The following HIKESHI variants were observed in gnomAD, a reference collection of about 807,000 sequenced individuals.
HIKESHI encodes the protein protein Hikeshi.
A neutral mutation model predicts 25.7 loss-of-function variants in HIKESHI; 13 were observed. The observed-to-expected ratio is 0.51, with a 90% CI of 0.33 to 0.80. HIKESHI has a LOEUF of 0.80. Ranked by LOEUF, HIKESHI falls within the 30% of genes least tolerant of loss-of-function variation. HIKESHI has a pLI of 0.02. For missense variants in HIKESHI, 174 were observed against 229.5 expected, an observed-to-expected ratio of 0.76 and a Z score of 1.56; for synonymous variants, 76 against 78.7, an observed-to-expected ratio of 0.97 and a Z score of 0.18.
intron 2 of HIKESHI, among the ~76,000 whole-genome samples, chr11:86,328,403 C>T (rs189769329): frequency 6.6e-6 from 1 of 151,158 alleles, no homozygotes; most frequent in East Asian, 1.9e-4. Flanking sequence ...GGACTACAGG[C>T]ACTCACCACC....
chr11:86,318,801 A>G (rs1218771413), intron 2 of HIKESHI, among the ~76,000 whole-genome samples: 1 of 152,186 alleles, frequency 6.6e-6, no homozygotes, highest in Non-Finnish European at 1.5e-5. Context: ...CTCCCTTTTC[A>G]TATTATTTGA....
intron 3 of HIKESHI, chr11:86,344,335 T>C: frequency 3.2e-6 from 1 of 313,500 alleles, no homozygotes. Context: ...TATTCATTTA[T>C]TTAATTTTAT....
chr11:86,306,469 A>C lies in HIKESHI; in HGVS notation c.255A>C (p.Ser85=). 2 of 1,600,268 alleles carry C rather than the reference A, an allele frequency of 1.2e-6. No homozygotes were observed. The highest frequency in any genetic ancestry group is 1.7e-6 in the Non-Finnish European group (2 of 1,167,800). The change falls in exon 2 of 5, where the codon TCA becomes TCC. Residue 85 remains serine, a synonymous_variant. Coordinates refer to ENST00000278483, the MANE Select transcript of HIKESHI (RefSeq NM_016401.4). ...AGCCAAGTGCCATCTTCAAAATTTC[A>C]GGTCTTAAATCTGGTAAGAATAATA... ...NGKPSAIFKI[S]GLKSGEGSQH...
In HIKESHI at chr11:86,315,423, C is replaced by A. The variant is rs914967771; in HGVS notation, c.268+8941C>A. Among the ~76,000 whole-genome samples the A allele has an allele frequency of 6.6e-5, 10 of 152,080 alleles. 1 individual carries two copies. Among genetic ancestry groups the A allele is most frequent in the Non-Finnish European group, 2.9e-5 (2 of 68,028 alleles). On this transcript the variant is annotated intron_variant, in intron 2 of 4. Transcript: ENST00000278483. Reference sequence around the variant, plus strand: ...ACAACCTCCGCCTCCTGGGTTCAAGCAGTGCTCCCGCCTCAGCCTCCCAAG... The same window carrying A: ...ACAACCTCCGCCTCCTGGGTTCAAGAAGTGCTCCCGCCTCAGCCTCCCAAG...
At chr11:86,303,499 A>G (rs1213198502) in intron 1 of HIKESHI, 1 of 526,888 alleles carries the variant, frequency 1.9e-6, no homozygotes, top group Non-Finnish European at 2.4e-6. Context: ...GGGAAAAAGG[A>G]CAAACCTGGA....
intron 2 of HIKESHI, 52 bp from the exon 3 acceptor site, chr11:86,337,327 G>A (rs1217726214): frequency 1.3e-6 from 2 of 1,526,372 alleles, no homozygotes; most frequent in South Asian, 1.3e-5. Context: ...AAAGGAAATT[G>A]TGTGACTACA....
chr11:86,326,141 T>G (rs944243440), intron 2 of HIKESHI, among the ~76,000 whole-genome samples: 1 of 152,040 alleles, frequency 6.6e-6, no homozygotes, highest in Non-Finnish European at 1.5e-5. Flanking sequence ...CTACTAAAAA[T>G]ACAAAAATTA....
intron 4 of HIKESHI, chr11:86,345,154 G>A (rs1057391538): frequency 6.4e-5 from 67 of 1,041,012 alleles, no homozygotes; most frequent in Non-Finnish European, 7.5e-5. Context: ...AGTTTGTTGA[G>A]AAGTGGTACC....
intron 2 of HIKESHI, among the ~76,000 whole-genome samples, chr11:86,307,695 A>G (rs1593804721): frequency 1.0e-5 from 1 of 97,744 alleles, no homozygotes; most frequent in South Asian, 3.7e-4. Context: ...TATTATGTGT[A>G]GTATACATTA....
chr11:86,329,906 C>T (rs1471838026), intron 2 of HIKESHI, among the ~76,000 whole-genome samples: 2 of 152,012 alleles, frequency 1.3e-5, no homozygotes, highest in Non-Finnish European at 2.9e-5. Flanking sequence ...ATGTAAATCT[C>T]TGTCTCTTAA....
intron 2 of HIKESHI, among the ~76,000 whole-genome samples, chr11:86,317,112 C>T (rs1219561637): frequency 6.6e-6 from 1 of 151,884 alleles, no homozygotes; most frequent in Non-Finnish European, 1.5e-5. Context: ...AACATTCTAA[C>T]ACAAGGAACC....
chr11:86,306,727 C>T lies in HIKESHI; in HGVS notation c.268+245C>T, dbSNP rs143412647. 7.9e-5 allele frequency among the ~76,000 whole-genome samples: 12 copies of T among 151,862 alleles called. No individual in the cohort carries two copies. In the East Asian group the frequency reaches 1.5e-3, roughly 20 times the overall value. On this transcript the variant is annotated intron_variant, in intron 2 of 4. Transcript: ENST00000278483. Reference sequence around the variant, plus strand: ...TAAAAATATTTTTTTTGGCCGGGCGCGGCGGCTCATTCCTGTATCCCAGCA... The same window carrying T: ...TAAAAATATTTTTTTTGGCCGGGCGTGGCGGCTCATTCCTGTATCCCAGCA...
At chr11:86,342,052 T>G (rs565424419) in intron 3 of HIKESHI, among the ~76,000 whole-genome samples, 1 of 120,518 alleles carries the variant, frequency 8.3e-6, no homozygotes, top group African/African-American at 3.1e-5. Flanking sequence ...CCTTTAAAAT[T>G]TTGCCAAACT....
chr11:86,336,058 A>G (rs1270876522), intron 2 of HIKESHI, among the ~76,000 whole-genome samples: 2 of 152,254 alleles, frequency 1.3e-5, no homozygotes, highest in Non-Finnish European at 2.9e-5. Flanking sequence ...GAAATTATAG[A>G]AAGGAACTAA....
At chr11:86,344,378 G>T in intron 3 of HIKESHI, 1 of 408,770 alleles carries the variant, frequency 2.4e-6, no homozygotes, top group Non-Finnish European at 4.3e-6. Flanking sequence ...ATGTTGCACA[G>T]GCTGGTCTTG....
chr11:86,308,870 T>G (rs1222502077), intron 2 of HIKESHI, among the ~76,000 whole-genome samples: 3 of 152,124 alleles, frequency 2.0e-5, no homozygotes, highest in Non-Finnish European at 4.4e-5. Context: ...GTTTCCAGCT[T>G]CATCCATGTC....
intron 3 of HIKESHI, among the ~76,000 whole-genome samples, chr11:86,342,511 G>GTT (rs1416931593): frequency 7.0e-6 from 1 of 142,350 alleles, no homozygotes; most frequent in Non-Finnish European, 1.5e-5. Flanking sequence ...GTGTGTGTGT[G>GTT]TGTGTGTGTG....
At chr11:86,345,558 G>A in intron 4 of HIKESHI, 26 bp from the exon 5 acceptor site, 1 of 1,377,542 alleles carries the variant, frequency 7.3e-7, no homozygotes, top group African/African-American at 1.5e-5. Context: ...TCTTGTGAAT[G>A]TAAATATATG....
intron 1 of HIKESHI, among the ~76,000 whole-genome samples, chr11:86,303,821 T>G (rs1162218868): frequency 6.6e-6 from 1 of 152,204 alleles, no homozygotes; most frequent in East Asian, 1.9e-4. Flanking sequence ...TCTTAAGATT[T>G]TTTTTCTTAA....
Sources: gnomAD v4.1 joint callset for allele counts (sites outside exome capture counted in the v4.1 genomes callset) on GRCh38, gnomAD v4.1.1 for gene constraint, MANE v1.5 for transcripts, NCBI Gene and HGNC (gene_info 2026-07-23, HGNC 2026-07-21) for gene names.